IRAK3: variants seen among roughly 807,000 people sequenced by gnomAD.
IRAK3 encodes interleukin 1 receptor associated kinase 3.
A neutral mutation model predicts 56.6 loss-of-function variants in IRAK3; 57 were observed. The observed-to-expected ratio is 1.01, with a 90% confidence interval of 0.81 to 1.26. IRAK3 has a LOEUF of 1.26. Among genes scored for constraint, IRAK3 ranks in the 50% most tolerant of loss-of-function variants. The pLI, the probability that IRAK3 is intolerant of heterozygous loss-of-function variation, is 0.00. For synonymous variants in IRAK3, 258 were observed against 255.7 expected (o/e 1.01, Z -0.09); for missense variants, 703 against 719.0 (o/e 0.98, Z 0.25).
chr12:66,245,035 C>CCTAT, intron 10 of IRAK3, 25 bp downstream of exon 10: 1 of 1,613,690 alleles, frequency 6.2e-7, no homozygotes, highest in Non-Finnish European at 8.5e-7. Context: ...CATCCTGGCA[C>CCTAT]CTATCTCTTG....
At chr12:66,213,199 T>G (rs971154791) in intron 5 of IRAK3, among the ~76,000 whole-genome samples, 1 of 152,136 alleles carries the variant, frequency 6.6e-6, no homozygotes, top group African/African-American at 2.4e-5. Context: ...CTCCCATTTT[T>G]AAAACCATCA....
At chr12:66,207,315 C>CA (rs1030718959) in intron 2 of IRAK3, among the ~76,000 whole-genome samples, 17 of 151,994 alleles carry the variant, frequency 1.1e-4, no homozygotes, top group African/African-American at 2.7e-4. Context: ...TACTAAAATA[C>CA]AAAAAAATTA....
At chr12:66,224,732 GA>G (rs2136936563) in intron 6 of IRAK3, among the ~76,000 whole-genome samples, 1 of 152,276 alleles carries the variant, frequency 6.6e-6, no homozygotes, top group South Asian at 2.1e-4. Flanking sequence ...AACAGGCTCA[GA>G]GCGATTAAAT....
chr12:66,212,941 A>G (rs941910510), intron 5 of IRAK3, among the ~76,000 whole-genome samples: 1 of 152,202 alleles, frequency 6.6e-6, no homozygotes, highest in African/African-American at 2.4e-5. Context: ...TGCGGGTCTT[A>G]AAACCTAGAT....
chr12:66,226,692 T>A, intron 6 of IRAK3, 31 bp from the exon 7 acceptor site: 1 of 1,310,380 alleles, frequency 7.6e-7, no homozygotes, highest in Non-Finnish European at 1.1e-6. Flanking sequence ...AATAAGCAAT[T>A]TGATGGCTTT....
At chr12:66,195,941 G>A (rs976452782) in intron 1 of IRAK3, among the ~76,000 whole-genome samples, 1 of 151,670 alleles carries the variant, frequency 6.6e-6, no homozygotes, top group African/African-American at 2.4e-5. Flanking sequence ...ACAGGTGTGA[G>A]CCACCACACC....
At chr12:66,234,618 C>G in intron 8 of IRAK3, 1 of 1,611,660 alleles carries the variant, frequency 6.2e-7, no homozygotes, top group Non-Finnish European at 8.5e-7. Context: ...TTCTGTCCTC[C>G]ATCAGAAAAC....
At chr12:66,224,870 C>T (rs927295830) in intron 6 of IRAK3, among the ~76,000 whole-genome samples, 10 of 152,136 alleles carry the variant, frequency 6.6e-5, no homozygotes, top group Non-Finnish European at 1.5e-4. Context: ...AGAACATTTG[C>T]TGAAGTGATT....
At chr12:66,214,104 A>G (rs148491551) in intron 5 of IRAK3, among the ~76,000 whole-genome samples, 2 of 152,256 alleles carry the variant, frequency 1.3e-5, no homozygotes, top group South Asian at 2.1e-4. Context: ...CTGGAAAGAT[A>G]TTAAGTCTGT....
intron 6 of IRAK3, among the ~76,000 whole-genome samples, chr12:66,222,706 G>A (rs1363439318): frequency 6.6e-6 from 1 of 151,754 alleles, no homozygotes; most frequent in Non-Finnish European, 1.5e-5. Flanking sequence ...TGGTTCAAAG[G>A]AATATTTTAT....
chr12:66,222,411 G>A (rs1592591324), intron 6 of IRAK3, among the ~76,000 whole-genome samples: 1 of 151,936 alleles, frequency 6.6e-6, no homozygotes, highest in South Asian at 2.1e-4. Flanking sequence ...TGGATTGTAT[G>A]TTTCTAGGAA....
At chr12:66,230,026 G>A (rs2052827232) in intron 8 of IRAK3, among the ~76,000 whole-genome samples, 1 of 152,160 alleles carries the variant, frequency 6.6e-6, no homozygotes, top group Admixed American at 6.5e-5. Context: ...AGAAGGTGTT[G>A]GGGTTTTGGC....
At chr12:66,204,370 G>A (rs961826732) in intron 2 of IRAK3, among the ~76,000 whole-genome samples, 2 of 152,098 alleles carry the variant, frequency 1.3e-5, no homozygotes, top group Non-Finnish European at 2.9e-5. Flanking sequence ...ATCTGGGGAT[G>A]TTTCTTTTAT....
chr12:66,217,899 A>T (rs1054790986), intron 6 of IRAK3, among the ~76,000 whole-genome samples: 1 of 152,154 alleles, frequency 6.6e-6, no homozygotes, highest in African/African-American at 2.4e-5. Flanking sequence ...ATTTTCTTTT[A>T]TACTGAAGAC....
chr12:66,189,456 G>C, intron 1 of IRAK3, 24 bp downstream of exon 1: 1 of 1,189,762 alleles, frequency 8.4e-7, no homozygotes, highest in Non-Finnish European at 1.0e-6. Flanking sequence ...GACCGGCCGG[G>C]GGCGGCGGGG....
intron 3 of IRAK3, among the ~76,000 whole-genome samples, 186 bp from the exon 4 acceptor site, chr12:66,209,961 C>A (rs1025191058): frequency 4.6e-5 from 7 of 152,074 alleles, no homozygotes; most frequent in African/African-American, 1.7e-4. Flanking sequence ...GGTGTGAAAG[C>A]CTTAAATATG....
intron 1 of IRAK3, among the ~76,000 whole-genome samples, chr12:66,203,021 C>G (rs1020683329): frequency 6.6e-6 from 1 of 151,680 alleles, no homozygotes; most frequent in Non-Finnish European, 1.5e-5. Flanking sequence ...TGTTTCTTAC[C>G]AAACAGTTCA....
In IRAK3 at chr12:66,209,534, G is replaced by A. The variant is rs749625664; in HGVS notation, c.381+14G>A. The A allele has an allele frequency of 2.7e-6, 4 of 1,496,756 alleles. No homozygotes were observed. In the Admixed American group the frequency reaches 6.7e-5, roughly 25 times the overall value. The allele number at this position is 1,496,756 out of a possible 1,614,324, so 92.7% of individuals were successfully genotyped here. ...ATATTATTCAAGGTAGAGTATGTGT[G>A]CATAGAAAATGAGCCTTGAACTTTG... is the stretch of plus-strand genomic sequence containing the variant. On this transcript the variant is annotated intron_variant, in intron 3 of 11. Coordinates refer to ENST00000261233, the MANE Select transcript of IRAK3 (RefSeq NM_007199.3).
chr12:66,242,992 G>T (rs993749698), intron 8 of IRAK3, among the ~76,000 whole-genome samples: 1 of 152,008 alleles, frequency 6.6e-6, no homozygotes, highest in African/African-American at 2.4e-5. Flanking sequence ...CTTGAACCCG[G>T]GAGGCAGAGG....
Sources: gnomAD v4.1 joint callset for allele counts (sites outside exome capture counted in the v4.1 genomes callset) on GRCh38, gnomAD v4.1.1 for gene constraint, MANE v1.5 for transcripts, NCBI Gene and HGNC (gene_info 2026-07-23, HGNC 2026-07-21) for gene names.